PRAMEF11: variants seen among roughly 807,000 people sequenced by gnomAD.
The protein encoded by PRAMEF11 is PRAME family member 11.
A neutral mutation model predicts 33.6 loss-of-function variants in PRAMEF11; 17 were observed. That is an observed-to-expected ratio of 0.51 (90% confidence interval 0.35 to 0.76). The LOEUF (loss-of-function observed/expected upper bound fraction) is 0.76. Among genes scored for constraint, PRAMEF11 ranks in the 30% least tolerant of loss-of-function variants. The pLI is 0.01. For missense variants in PRAMEF11, 568 were observed against 567.0 expected (o/e 1.00, Z -0.02); for synonymous variants, 205 against 227.3 (o/e 0.90, Z 0.88).
At position 12,827,605 on chromosome 1, in the gene PRAMEF11, G is replaced by A. The variant is rs773584154; in HGVS notation, c.519C>T (p.Val173=). ...GGTGTAGTAAATCTCTCCTCTGCTT[G>A]ACCCATAGAAGGAGGCAGGTGAGGT... is the stretch of plus-strand genomic sequence containing the variant. ...DEYLTCLLLW[V]KQRRDLLHLC... is the part of the protein sequence containing the mutation. Residue 173 remains valine (V), a synonymous_variant, in exon 3 of 4, where the codon GTC becomes GTT. Coordinates refer to ENST00000619922, the MANE Select transcript of PRAMEF11 (RefSeq NM_001146344.3). 3.7e-6 allele frequency: 6 copies of A among 1,609,462 alleles called. No homozygotes were observed. The highest frequency in any genetic ancestry group is 5.1e-6 in the Non-Finnish European group (6 of 1,177,646).
At position 12,827,557 on chromosome 1, in the gene PRAMEF11, A is replaced by C. The variant is rs186975145; in HGVS notation, c.567T>G (p.Ile189Met). The C allele has an allele frequency of 8.7e-4, 1,397 of 1,610,046 alleles. 46 individuals are homozygous for C. The highest frequency in any genetic ancestry group is 8.0e-3 in the Middle Eastern group (48 of 6,030). Residue 189 changes from isoleucine to methionine, a missense_variant, in exon 3 of 4, where the codon ATT becomes ATG. Ile to Met is a conservative substitution (Grantham distance 10). Around this residue, in one of 3 missense-constraint regions of PRAMEF11, gnomAD observed 342 missense variants for 312.0 expected, o/e 1.10. Transcript: ENST00000619922. ...LLHLCCKKLK[I>M]LGMPFRNIRS... ...TGATATTGCGGAAGGGCATTCCCAA[A>C]ATTTTCAGCTTCTTACAGCACAGGT...
At position 12,829,869 on chromosome 1, in the gene PRAMEF11, A is replaced by G. The variant is rs181113906; in HGVS notation, c.-16-1064T>C. On this transcript the variant is annotated intron_variant, in intron 1 of 3. Coordinates refer to ENST00000619922, the MANE Select transcript of PRAMEF11 (RefSeq NM_001146344.3). ...GCCTGGGAAATAGGCTAGATTGAAC[A>G]GAGAGACAGAGAGAGCTACATTTGA... Among the ~76,000 whole-genome samples, 2 of 151,210 alleles carry G rather than the reference A, an allele frequency of 1.3e-5. 1 individual carries two copies. The highest frequency in any genetic ancestry group is 1.3e-4 in the Admixed American group (2 of 15,094).
At chr1:12,830,656 C>G (rs1569797598) in intron 1 of PRAMEF11, among the ~76,000 whole-genome samples, 1 of 149,948 alleles carries the variant, frequency 6.7e-6, no homozygotes. Flanking sequence ...ATAGCTGGGA[C>G]TACAGATGCA....
In PRAMEF11 at chr1:12,827,725, G is replaced by A. The variant is rs765721523; in HGVS notation, c.399C>T (p.Asn133=). ...TTGGACAGTCCTGCACTGGTTTTTT[G>A]TTCCTCTTGGCATTGAGGAAGCACC... The part of the protein sequence containing the change: ...AHGCFLNAKR[N]KKPVQDCPRM... The change falls in exon 3 of 4, where the codon AAC becomes AAT. Residue 133 remains asparagine (N), a synonymous_variant. Transcript: ENST00000619922. 6.2e-7 allele frequency: 1 copy of A among 1,609,844 alleles called. No homozygotes were observed.
intron 1 of PRAMEF11, 119 bp from the exon 2 acceptor site, chr1:12,828,924 C>T: frequency 7.0e-7 from 1 of 1,422,104 alleles, no homozygotes; most frequent in East Asian, 2.3e-5. Context: ...TCAGTTTACT[C>T]CAATTCTACT....
chr1:12,828,435 C>A lies in PRAMEF11; in HGVS notation c.293+62G>T, dbSNP rs1436685090. 3.3e-6 allele frequency: 5 copies of A among 1,535,860 alleles called. No homozygotes were observed. In the African/African-American group the frequency reaches 5.6e-5, roughly 17 times the overall value. ...CCTTGGGCCTCCTCACTTCACATGA[C>A]CCAGCTGTTCCTTCAGTTGGACACC... On this transcript the variant is annotated intron_variant, in intron 2 of 3. Coordinates refer to ENST00000619922, the MANE Select transcript of PRAMEF11 (RefSeq NM_001146344.3).
chr1:12,828,098 G>A (rs745700122), intron 2 of PRAMEF11, among the ~76,000 whole-genome samples: 14 of 149,316 alleles, frequency 9.4e-5, no homozygotes, highest in Non-Finnish European at 1.5e-4. Context: ...TGATTCTCCT[G>A]CCTCAACCTC....
At chr1:12,830,687 T>TAA (rs796881601) in intron 1 of PRAMEF11, among the ~76,000 whole-genome samples, 1 of 140,682 alleles carries the variant, frequency 7.1e-6, no homozygotes. Flanking sequence ...CTCGGCTAAT[T>TAA]AAAAAAAAAA....
chr1:12,830,159 G>A lies in PRAMEF11; in HGVS notation c.-17+1197C>T, dbSNP rs1020183851. Reference sequence around the variant, plus strand: ...GAAAACTTGAAAGTATCTTTGTTGAGGGATCCTTGGCCATGTCAAATTTAT... The same window carrying A: ...GAAAACTTGAAAGTATCTTTGTTGAAGGATCCTTGGCCATGTCAAATTTAT... On this transcript the variant is annotated intron_variant, in intron 1 of 3. Coordinates refer to ENST00000619922, the MANE Select transcript of PRAMEF11 (RefSeq NM_001146344.3). Among the ~76,000 whole-genome samples, 7 of 151,306 alleles carry A rather than the reference G, an allele frequency of 4.6e-5. 1 individual carries two copies. Among genetic ancestry groups the A allele is most frequent in the Non-Finnish European group, 1.0e-4 (7 of 67,786 alleles).
At chr1:12,829,567 A>G (rs1227137170) in intron 1 of PRAMEF11, among the ~76,000 whole-genome samples, 1 of 151,216 alleles carries the variant, frequency 6.6e-6, no homozygotes, top group African/African-American at 2.4e-5. Flanking sequence ...CACCCAGCTC[A>G]TCTTTTATTT....
rs777217047 is a variant in PRAMEF11, at chr1:12,825,212, T to C, written c.1167A>G (p.Gly389=). ...CCAGGGTGGCCATGCAGATGGGATTTCCACAGAAGCTGAAGGTGTTGAGCT... is the reference window on the plus strand; with the variant it reads ...CCAGGGTGGCCATGCAGATGGGATTCCCACAGAAGCTGAAGGTGTTGAGCT... ...CFELNTFSFC[G]NPICMATLEN... Residue 389 remains glycine, a synonymous_variant, in exon 4 of 4, where the codon GGA becomes GGG. Transcript: ENST00000619922. 6.8e-6 allele frequency: 11 copies of C among 1,607,620 alleles called. No individual in the cohort carries two copies. The highest frequency in any genetic ancestry group is 9.3e-6 in the Non-Finnish European group (11 of 1,177,566).
Position 12,824,762 on chromosome 1 carries a change from C to G in PRAMEF11, c.*180G>C. ...ACAGGTTCCCAAAGTCCCATTGAAT[C>G]CATGGCAACATTTCCCCCAAGTCCT... On this transcript the variant is annotated 3_prime_UTR_variant, in exon 4 of 4. Transcript: ENST00000619922. The G allele has an allele frequency of 1.0e-6, 1 of 987,308 alleles. No homozygotes were observed. Among genetic ancestry groups the G allele is most frequent in the Non-Finnish European group, 1.5e-6 (1 of 678,816 alleles). 61.2% of individuals were successfully genotyped at this position (987,308 alleles called of 1,614,324 possible). A position where few individuals can be genotyped will look rare whatever the true frequency, so the allele number is the denominator to read the frequency against.
At position 12,827,455 on chromosome 1, in the gene PRAMEF11, C is replaced by T. The variant is rs1159524229; in HGVS notation, c.669G>A (p.Leu223=). 8 of 1,610,452 alleles carry T rather than the reference C, an allele frequency of 5.0e-6. No individual in the cohort carries two copies. Among genetic ancestry groups the T allele is most frequent in the African/African-American group, 1.3e-5 (1 of 74,644 alleles). Reference sequence around the variant, plus strand: ...GGCCCAGGTATGGGGTAAACTGTGTCAGGATGGGCAGTATCCACTTGCAAT... The same window carrying T: ...GGCCCAGGTATGGGGTAAACTGTGTTAGGATGGGCAGTATCCACTTGCAAT... The part of the protein sequence containing the change: ...EVNCKWILPI[L]TQFTPYLGHL... The change falls in exon 3 of 4, where the codon CTG becomes CTA. Residue 223 remains leucine (L), a synonymous_variant. Transcript: ENST00000619922.
chr1:12,830,769 A>G (rs1222913846), intron 1 of PRAMEF11, among the ~76,000 whole-genome samples: 3 of 150,494 alleles, frequency 2.0e-5, no homozygotes, highest in Non-Finnish European at 4.4e-5. Flanking sequence ...CAGGTGGATC[A>G]CTTGAGGTCA....
intron 1 of PRAMEF11, among the ~76,000 whole-genome samples, chr1:12,829,279 T>C (rs1639955342): frequency 6.7e-6 from 1 of 150,126 alleles, no homozygotes; most frequent in South Asian, 2.2e-4. Context: ...TCTTTCTCTC[T>C]TTCTTTTTTC....
rs752506419 is a variant in PRAMEF11, at chr1:12,827,851, G to C, written c.294-21C>G. The C allele has an allele frequency of 6.5e-5, 104 of 1,605,476 alleles. 1 individual carries two copies. The highest frequency in any genetic ancestry group is 8.7e-5 in the Non-Finnish European group (103 of 1,177,986). ...ATCTCCTGTGGGAAAATAGAGGTGA[G>C]ACTGAGAATTTAAGAACTCATTTCT... On this transcript the variant is annotated intron_variant, in intron 2 of 3. Transcript: ENST00000619922.
chr1:12,828,236 G>A (rs1639919415), intron 2 of PRAMEF11, among the ~76,000 whole-genome samples: 1 of 146,084 alleles, frequency 6.8e-6, no homozygotes, highest in African/African-American at 2.6e-5. Flanking sequence ...CAATGGGCTG[G>A]GATTACATTG....
chr1:12,826,193 C>T (rs1966159), intron 3 of PRAMEF11, among the ~76,000 whole-genome samples: 15,970 of 147,316 alleles, frequency 0.11, 1,324 homozygotes, highest in East Asian at 0.19. Context: ...AGGCTGCAGG[C>T]GTCCCTGACA....
Position 12,824,831 on chromosome 1 carries a change from G to A in PRAMEF11, c.*111C>T. On this transcript the variant is annotated 3_prime_UTR_variant, in exon 4 of 4. Transcript: ENST00000619922. ...TTCCTTTCCCACTTTCAGAGCCCATGTGTGAAACGATGGGTTCTGTGCTCC... is the reference window on the plus strand; with the variant it reads ...TTCCTTTCCCACTTTCAGAGCCCATATGTGAAACGATGGGTTCTGTGCTCC... 1 of 1,472,734 alleles carries A rather than the reference G, an allele frequency of 6.8e-7. No homozygotes were observed. The highest frequency in any genetic ancestry group is 2.1e-5 in the Admixed American group (1 of 46,706). 91.2% of individuals were successfully genotyped at this position (1,472,734 alleles called of 1,614,324 possible).
Sources: gnomAD v4.1 joint callset for allele counts (sites outside exome capture counted in the v4.1 genomes callset) on GRCh38, gnomAD v4.1.1 for gene constraint, gnomAD v4.1.1 regional missense constraint, MANE v1.5 for transcripts, NCBI Gene and HGNC (gene_info 2026-07-23, HGNC 2026-07-21) for gene names.